The following PFKFB3 variants were observed in gnomAD, a reference collection of about 807,000 sequenced individuals.
The protein encoded by PFKFB3 is 6-phosphofructo-2-kinase/fructose-2,6-biphosphatase 3, also known as 6-phosphofructo-2-kinase/fructose-2,6-bisphosphatase 3.
PFKFB3 carries 33 observed loss-of-function variants against 68.0 expected under a neutral mutation model. That is an observed-to-expected ratio of 0.49 (90% CI 0.37 to 0.65). PFKFB3 has a LOEUF of 0.65. Ranked by LOEUF, PFKFB3 falls within the 30% of genes least tolerant of loss-of-function variation. The pLI, the probability that PFKFB3 is intolerant of heterozygous loss-of-function variation, is 0.00. For synonymous variants in PFKFB3, 315 were observed against 288.2 expected (o/e 1.09, Z -0.94); for missense variants, 586 against 712.2 (o/e 0.82, Z 2.02).
chr10:6,317,299 C>G, the PFKFB3 span, among the ~76,000 whole-genome samples: 13 of 152,194 alleles, frequency 8.5e-5, no homozygotes, highest in African/African-American at 2.7e-4. Flanking sequence ...GGCATTCTCT[C>G]TCAATTATCC....
At chr10:6,231,676 C>A in intron 14 of PFKFB3, 2 of 802,102 alleles carry the variant, frequency 2.5e-6, no homozygotes, top group Non-Finnish European at 3.0e-6. Context: ...CCGGCTGGGG[C>A]TCTCCCTAGA....
At position 6,228,615 on chromosome 10, in the gene PFKFB3, G is replaced by T. The variant is rs557571725; in HGVS notation, c.1515+2250G>T. On this transcript the variant is annotated intron_variant, in intron 14 of 14. Transcript: ENST00000379775. The surrounding 1 kb of genome is among the most constrained non-coding windows in gnomAD (Gnocchi z 4.5). ...GCCATTAGCCTTAAAGCCCCCTCCT[G>T]CCCCAGGAGTGTCCTTTGTTTTGGA... Among the ~76,000 whole-genome samples the T allele has an allele frequency of 6.6e-6, 1 of 152,130 alleles. No homozygotes were observed. Among genetic ancestry groups the T allele is most frequent in the Admixed American group, 6.5e-5 (1 of 15,272 alleles).
chr10:6,255,225 A>G (rs1197440141), downstream of PFKFB3, among the ~76,000 whole-genome samples: 1 of 151,846 alleles, frequency 6.6e-6, no homozygotes, highest in Non-Finnish European at 1.5e-5. Context: ...CCCGGTTTCA[A>G]GTGATTCTCC....
chr10:6,174,056 G>C (rs1046178827), intron 1 of PFKFB3, among the ~76,000 whole-genome samples: 2 of 152,084 alleles, frequency 1.3e-5, no homozygotes, highest in Non-Finnish European at 2.9e-5. Flanking sequence ...GACCAGGTGT[G>C]GGGATTGGAG....
chr10:6,322,401 C>G, the PFKFB3 span, among the ~76,000 whole-genome samples: 1 of 152,174 alleles, frequency 6.6e-6, no homozygotes, highest in Non-Finnish European at 1.5e-5. Context: ...TCACCTGGCT[C>G]ATGATAATAG....
At position 6,228,216 on chromosome 10, in the gene PFKFB3, T is replaced by C; in HGVS notation, c.1515+1851T>C. 1 of 1,612,774 alleles carries C rather than the reference T, an allele frequency of 6.2e-7. No individual in the cohort carries two copies. Among genetic ancestry groups the C allele is most frequent in the South Asian group, 1.1e-5 (1 of 91,082 alleles). ...CGCAGCCTTTGCTAGGGCAAGCCTGTCTGTAAGTATCTCTCCGATCATCGC... is the reference window on the plus strand; with the variant it reads ...CGCAGCCTTTGCTAGGGCAAGCCTGCCTGTAAGTATCTCTCCGATCATCGC... On this transcript the variant is annotated intron_variant, in intron 14 of 14. Coordinates refer to ENST00000379775, the MANE Select transcript of PFKFB3 (RefSeq NM_004566.4). This position sits in a 1 kb window ranked among gnomAD's most constrained non-coding sequence, Gnocchi z 4.5.
chr10:6,159,664 C>A (rs1003204134), intron 1 of PFKFB3, among the ~76,000 whole-genome samples: 1 of 150,718 alleles, frequency 6.6e-6, no homozygotes, highest in Non-Finnish European at 1.5e-5. Flanking sequence ...TGCACTCCAG[C>A]CTGGGCAACA....
chr10:6,307,663 A>G, the PFKFB3 span, among the ~76,000 whole-genome samples: 2 of 142,802 alleles, frequency 1.4e-5, no homozygotes, highest in African/African-American at 5.3e-5. Flanking sequence ...GGTTGTCTGT[A>G]TTGTCCCGAT....
the PFKFB3 span, among the ~76,000 whole-genome samples, chr10:6,272,077 G>A: frequency 6.6e-6 from 1 of 152,224 alleles, no homozygotes. Flanking sequence ...AGCAGGGAGG[G>A]CAGATGTGAA....
chr10:6,274,846 C>CA, the PFKFB3 span, among the ~76,000 whole-genome samples: 544 of 147,938 alleles, frequency 3.7e-3, 3 homozygotes, highest in African/African-American at 0.013. Flanking sequence ...AAAAAAAAAA[C>CA]AAAAAACAAA....
the PFKFB3 span, chr10:6,292,974 T>C: frequency 4.9e-6 from 1 of 205,176 alleles, no homozygotes; most frequent in Admixed American, 5.8e-5. Flanking sequence ...TAATGTGAGA[T>C]GGAAAGATCC....
the PFKFB3 span, among the ~76,000 whole-genome samples, chr10:6,325,181 C>A: frequency 6.6e-6 from 1 of 152,158 alleles, no homozygotes; most frequent in African/African-American, 2.4e-5. Flanking sequence ...CCAGGCTGGT[C>A]TCAAACTCCT....
chr10:6,271,924 T>C, the PFKFB3 span, among the ~76,000 whole-genome samples: 13 of 151,838 alleles, frequency 8.6e-5, no homozygotes, highest in Admixed American at 1.3e-4. Flanking sequence ...AGAGGGTGGG[T>C]GTGGAAGTGG....
At chr10:6,221,598 C>T (rs1438647787) in intron 9 of PFKFB3, 43 bp from the exon 10 acceptor site, 3 of 1,609,820 alleles carry the variant, frequency 1.9e-6, no homozygotes, top group East Asian at 2.2e-5. Flanking sequence ...GCCCTAGACA[C>T]CCCTGTGGTT....
chr10:6,206,838 C>CTGGGCAGCCAGGCAGA (rs1564619744), intron 1 of PFKFB3, among the ~76,000 whole-genome samples: 518 of 16,046 alleles, frequency 0.032, 87 homozygotes, highest in Non-Finnish European at 0.054. Flanking sequence ...ACTTCCCAGA[C>CTGGGCAGCCAGGCAGA]GGGGTGGCGG....
chr10:6,258,948 T>C (rs75554383), downstream of PFKFB3, among the ~76,000 whole-genome samples: 4 of 152,232 alleles, frequency 2.6e-5, no homozygotes, highest in Admixed American at 2.6e-4. Flanking sequence ...CACTCTATCA[T>C]ATATGGTGCT....
rs372346664 is a variant in PFKFB3, at chr10:6,235,393, T to C, written c.*2451T>C. 2.0e-5 allele frequency: 3 copies of C among 152,452 alleles called. No homozygotes were observed. The East Asian group carries it at 5.6e-4, about 29-fold the overall frequency. 9.4% of individuals were successfully genotyped at this position (152,452 alleles called of 1,614,324 possible). A position where few individuals can be genotyped will look rare whatever the true frequency, so the allele number is the denominator to read the frequency against. On this transcript the variant is annotated 3_prime_UTR_variant, in exon 15 of 15. Transcript: ENST00000379775. ...TTGGGAGCCTCCTATGTGTGACTTA[T>C]GACTTCTCTGTGTTCTGTGTATTTG...
At chr10:6,275,254 C>T in the PFKFB3 span, among the ~76,000 whole-genome samples, 1 of 152,238 alleles carries the variant, frequency 6.6e-6, no homozygotes, top group Non-Finnish European at 1.5e-5. The surrounding 1 kb of genome is among the most constrained non-coding windows in gnomAD (Gnocchi z 4.9). Context: ...GCTCCCTTCT[C>T]TGTCCTCTTC....
chr10:6,175,741 C>A (rs1405132294), intron 1 of PFKFB3, among the ~76,000 whole-genome samples: 1 of 152,152 alleles, frequency 6.6e-6, no homozygotes, highest in Non-Finnish European at 1.5e-5. Flanking sequence ...CCCAAATGGC[C>A]CGTAAGCATA....
Sources: gnomAD v4.1 joint callset for allele counts (sites outside exome capture counted in the v4.1 genomes callset) on GRCh38, gnomAD v4.1.1 for gene constraint, Gnocchi (gnomAD v3.1) non-coding constraint, MANE v1.5 for transcripts, NCBI Gene and HGNC (gene_info 2026-07-23, HGNC 2026-07-21) for gene names.